Variants in CNTN4 observed in about 807,000 individuals in gnomAD.
CNTN4 encodes contactin-4.
In CNTN4, 77 loss-of-function variants were observed where a neutral mutation model predicts 122.5. The observed-to-expected ratio is 0.63, with a 90% CI of 0.52 to 0.76. The LOEUF is 0.76. CNTN4 is among the 30% of genes least tolerant of loss of function. The pLI, the probability that CNTN4 is intolerant of heterozygous loss-of-function variation, is 0.00. For synonymous variants in CNTN4, 512 were observed against 447.0 expected (o/e 1.15, Z -1.83); for missense variants, 1,256 against 1,259.1 (o/e 1.00, Z 0.04).
chr3:3,049,091 G>T lies in CNTN4; in HGVS notation c.2812-4716G>T, dbSNP rs148829003. On this transcript the variant is annotated intron_variant, in intron 23 of 24. Transcript: ENST00000418658. ...TCATCTTAACTTTATATTTTATTTT[G>T]TTGTATTTTGAGACAGAGTCTCCCT... Among the ~76,000 whole-genome samples the T allele has an allele frequency of 1.7e-4, 26 of 152,190 alleles. No homozygotes were observed. In the East Asian group the frequency reaches 4.8e-3, roughly 28 times the overall value.
intron 7 of CNTN4, among the ~76,000 whole-genome samples, chr3:2,854,504 C>T (rs2093597314): frequency 6.6e-6 from 1 of 151,960 alleles, no homozygotes; most frequent in African/African-American, 2.4e-5. Context: ...ATCTCCTGAC[C>T]TCAAGTGATC....
At chr3:2,244,784 G>C (rs1271083686) in intron 2 of CNTN4, among the ~76,000 whole-genome samples, 1 of 151,924 alleles carries the variant, frequency 6.6e-6, no homozygotes, top group Non-Finnish European at 1.5e-5. Context: ...CAAGGAGAGG[G>C]AACAGGGTAA....
intron 6 of CNTN4, among the ~76,000 whole-genome samples, chr3:2,759,246 C>G (rs1338766657): frequency 6.6e-6 from 1 of 152,116 alleles, no homozygotes; most frequent in African/African-American, 2.4e-5. Flanking sequence ...ACCTCTGCCT[C>G]CCGGCTTCAA....
intron 2 of CNTN4, among the ~76,000 whole-genome samples, chr3:2,213,614 G>T (rs1438516860): frequency 1.3e-5 from 2 of 152,146 alleles, no homozygotes; most frequent in African/African-American, 4.8e-5. Flanking sequence ...AGAGTGCAGG[G>T]TAAGGGTTTC....
rs372570583 is a variant in CNTN4 at position 2,903,050 on chromosome 3, A to G, written c.1207+45A>G. On this transcript the variant is annotated intron_variant, in intron 12 of 24. Transcript: ENST00000418658. ...AGAAAAAAAAATTAAAACTCTTTAG[A>G]TCACTAAACTAACTTGTTCTTTGCC... 2.5e-6 allele frequency: 4 copies of G among 1,582,236 alleles called. 1 individual carries two copies. The South Asian group carries it at 3.3e-5, about 13-fold the overall frequency.
At chr3:2,355,052 A>G (rs1471946073) in intron 3 of CNTN4, among the ~76,000 whole-genome samples, 1 of 152,192 alleles carries the variant, frequency 6.6e-6, no homozygotes, top group Non-Finnish European at 1.5e-5. Flanking sequence ...AAGCTGTATT[A>G]GCTATTTAAA....
intron 2 of CNTN4, among the ~76,000 whole-genome samples, chr3:2,233,802 A>G (rs1464570964): frequency 1.3e-5 from 2 of 152,174 alleles, no homozygotes; most frequent in Non-Finnish European, 2.9e-5. Context: ...AGACTTTTCT[A>G]AGAAAGTCAA....
intron 6 of CNTN4, among the ~76,000 whole-genome samples, chr3:2,773,002 T>A (rs1302491952): frequency 6.6e-6 from 1 of 152,084 alleles, no homozygotes; most frequent in Non-Finnish European, 1.5e-5. Flanking sequence ...AAGATAAGGA[T>A]TGAAAAATGC....
At chr3:2,957,989 G>C (rs866924514) in intron 13 of CNTN4, among the ~76,000 whole-genome samples, 3 of 152,126 alleles carry the variant, frequency 2.0e-5, no homozygotes, top group African/African-American at 7.2e-5. Context: ...GTAGTTCTAA[G>C]AGCCACTGTG....
chr3:2,532,009 G>C (rs1004377789), intron 3 of CNTN4, among the ~76,000 whole-genome samples: 1 of 152,158 alleles, frequency 6.6e-6, no homozygotes, highest in African/African-American at 2.4e-5. Flanking sequence ...TGTGTTGCCT[G>C]TTTTTGAAAT....
intron 4 of CNTN4, among the ~76,000 whole-genome samples, chr3:2,652,466 A>G (rs1224038739): frequency 1.3e-5 from 2 of 152,182 alleles, no homozygotes; most frequent in Non-Finnish European, 2.9e-5. Context: ...TCAGCAGATA[A>G]TGAAAGGGGA....
At chr3:2,617,755 C>G (rs2081828116) in intron 4 of CNTN4, among the ~76,000 whole-genome samples, 1 of 151,852 alleles carries the variant, frequency 6.6e-6, no homozygotes, top group African/African-American at 2.4e-5. Flanking sequence ...GGATAGTTCT[C>G]TCATGGCTAA....
intron 7 of CNTN4, among the ~76,000 whole-genome samples, chr3:2,845,359 A>C (rs927406541): frequency 2.0e-5 from 3 of 152,128 alleles, no homozygotes; most frequent in Non-Finnish European, 4.4e-5. Context: ...AATAAATAAA[A>C]GGTAAGAGTT....
In CNTN4 at chr3:2,123,794, C is replaced by A. The variant is rs28593283; in HGVS notation, c.-145+23155C>A. On this transcript the variant is annotated intron_variant, in intron 2 of 24. Transcript: ENST00000418658. ...TCTTGTCCTGCACCACTTAACTGAT[C>A]AAAACTATGTTTGGGATGACCAGGC... Among the ~76,000 whole-genome samples the A allele has an allele frequency of 4.2e-3, 642 of 152,318 alleles. 6 individuals are homozygous for A. The highest frequency in any genetic ancestry group is 0.015 in the African/African-American group (611 of 41,568).
chr3:2,901,769 C>G (rs565755939), intron 11 of CNTN4, among the ~76,000 whole-genome samples: 3 of 152,118 alleles, frequency 2.0e-5, no homozygotes, highest in Non-Finnish European at 4.4e-5. Flanking sequence ...ATCTCTCCAA[C>G]CAACTAAAAT....
At position 2,736,360 on chromosome 3, in the gene CNTN4, A is replaced by T; in HGVS notation, c.182+19A>T. ...ATATCAGGTTTGTTGATGTAAAAGC[A>T]TGTGTTTCCATGCATATAGTTTCTG... On this transcript the variant is annotated intron_variant, in intron 5 of 24. Transcript: ENST00000418658. The T allele has an allele frequency of 1.2e-6, 2 of 1,609,790 alleles. No individual in the cohort carries two copies. Among genetic ancestry groups the T allele is most frequent in the Non-Finnish European group, 1.7e-6 (2 of 1,176,760 alleles).
intron 2 of CNTN4, among the ~76,000 whole-genome samples, chr3:2,181,736 C>T (rs1326760669): frequency 2.0e-5 from 3 of 152,092 alleles, no homozygotes; most frequent in Non-Finnish European, 4.4e-5. Context: ...GTCCTTTTAA[C>T]TGAACTATTA....
chr3:2,340,710 T>TATATATATAGAGAGAGAGAGAG, intron 3 of CNTN4, among the ~76,000 whole-genome samples: 15 of 18,306 alleles, frequency 8.2e-4, no homozygotes, highest in Non-Finnish European at 1.3e-3. Context: ...TATATATATA[T>TATATATATAGAGAGAGAGAGAG]AGAGAGAGAG....
In CNTN4 at chr3:2,768,214, C is replaced by T. The variant is rs561766945; in HGVS notation, c.358+22517C>T. ...ATGCTTCTGAAATGAATGGCGAATC[C>T]GGTAATATAAATTGTAATCACATCA... On this transcript the variant is annotated intron_variant, in intron 6 of 24. Transcript: ENST00000418658. Among the ~76,000 whole-genome samples, 8 of 152,192 alleles carry T rather than the reference C, an allele frequency of 5.3e-5. 1 individual carries two copies. In the South Asian group the frequency reaches 1.0e-3, roughly 20 times the overall value.
Sources: gnomAD v4.1 joint callset for allele counts (sites outside exome capture counted in the v4.1 genomes callset) on GRCh38, gnomAD v4.1.1 for gene constraint, MANE v1.5 for transcripts, NCBI Gene and HGNC (gene_info 2026-07-23, HGNC 2026-07-21) for gene names.